TMEM245: variants seen among roughly 807,000 people sequenced by gnomAD.
The protein encoded by TMEM245 is transmembrane protein 245, also known as protein CG-2.
Under a neutral mutation model 101.2 loss-of-function variants are expected in TMEM245, and 69 were observed. The ratio of observed to expected loss-of-function variants is 0.68; its 90% CI spans 0.56 to 0.83. TMEM245 has a LOEUF of 0.83. Among genes scored for constraint, TMEM245 ranks in the 40% least tolerant of loss-of-function variants. TMEM245 has a pLI of 0.00. For missense variants in TMEM245, 1,075 were observed against 1,092.8 expected (o/e 0.98, Z 0.23); for synonymous variants, 537 against 449.8 (o/e 1.19, Z -2.45).
intron 9 of TMEM245, among the ~76,000 whole-genome samples, chr9:109,067,941 C>T (rs1438599995): frequency 6.6e-6 from 1 of 152,194 alleles, no homozygotes; most frequent in African/African-American, 2.4e-5. Flanking sequence ...ACAGAATCCA[C>T]TGAGTACTGA....
intron 12 of TMEM245, among the ~76,000 whole-genome samples, chr9:109,052,790 T>C (rs1192587592): frequency 1.3e-5 from 2 of 152,180 alleles, no homozygotes; most frequent in Non-Finnish European, 2.9e-5. Context: ...GCAGCTTCAG[T>C]CATTTTGGAA....
intron 9 of TMEM245, among the ~76,000 whole-genome samples, chr9:109,065,687 T>C (rs761624050): frequency 1.4e-4 from 21 of 152,282 alleles, no homozygotes; most frequent in Non-Finnish European, 2.5e-4. Flanking sequence ...AGAGAAAATA[T>C]GTTCACGTAT....
intron 15 of TMEM245, among the ~76,000 whole-genome samples, chr9:109,037,808 T>C (rs866725174): frequency 6.6e-6 from 1 of 152,190 alleles, no homozygotes; most frequent in African/African-American, 2.4e-5. Flanking sequence ...ATTTTTTCTA[T>C]GTGCTGGGTA....
At chr9:109,077,227 T>G (rs1016238366) in intron 8 of TMEM245, among the ~76,000 whole-genome samples, 8 of 152,040 alleles carry the variant, frequency 5.3e-5, no homozygotes, top group African/African-American at 1.9e-4. Flanking sequence ...CACAGCTCAC[T>G]GCAGCCTCAA....
At chr9:109,112,701 A>C (rs1830598709) in intron 1 of TMEM245, among the ~76,000 whole-genome samples, 1 of 152,242 alleles carries the variant, frequency 6.6e-6, no homozygotes. Context: ...TTATATGTTC[A>C]CATGGACAAA....
intron 3 of TMEM245, among the ~76,000 whole-genome samples, chr9:109,097,948 T>C (rs1278039242): frequency 6.6e-6 from 1 of 152,118 alleles, no homozygotes; most frequent in East Asian, 1.9e-4. Context: ...TTTAGAACAA[T>C]GCTGGGTATG....
chr9:109,094,084 C>T (rs1314423479), intron 3 of TMEM245, among the ~76,000 whole-genome samples: 1 of 152,122 alleles, frequency 6.6e-6, no homozygotes, highest in Non-Finnish European at 1.5e-5. Context: ...TTATAAATTA[C>T]ATAACTCAGT....
chr9:109,097,091 G>A (rs1358856745), intron 3 of TMEM245, among the ~76,000 whole-genome samples: 1 of 152,178 alleles, frequency 6.6e-6, no homozygotes, highest in East Asian at 1.9e-4. Flanking sequence ...GGTCTGGGAA[G>A]GGTTTCCAAA....
intron 4 of TMEM245, 58 bp downstream of exon 4, chr9:109,093,417 T>G: frequency 1.4e-6 from 2 of 1,435,932 alleles, no homozygotes; most frequent in Non-Finnish European, 1.9e-6. Flanking sequence ...TGAATTTTAC[T>G]TTCTATGTAC....
Position 109,080,887 on chromosome 9 carries a change from A to G in TMEM245, c.1401T>C (p.Phe467=), listed in dbSNP as rs1209592031. 11 of 1,611,102 alleles carry G rather than the reference A, an allele frequency of 6.8e-6. No individual in the cohort carries two copies. Among genetic ancestry groups the G allele is most frequent in the Non-Finnish European group, 9.3e-6 (11 of 1,177,816 alleles). The stretch of plus-strand genomic sequence containing the variant: ...AAAGAAGAGTTCCTATCACTAACAA[A>G]AATATGATGAAAATGCTAATTATTT... ...LDKIISIFII[F]LLVIGTLLLA... The change falls in exon 8 of 18, where the codon TTT becomes TTC. Residue 467 remains phenylalanine, a synonymous_variant. Transcript: ENST00000374586.
At chr9:109,064,445 G>A (rs1227394400) in intron 10 of TMEM245, 32 bp downstream of exon 10, 5 of 1,591,222 alleles carry the variant, frequency 3.1e-6, no homozygotes, top group Middle Eastern at 1.7e-4. Flanking sequence ...ACCCTGAAAA[G>A]AGAAAGCCAC....
In TMEM245 at chr9:109,107,470, C is replaced by T. The variant is rs117103031; in HGVS notation, c.698-861G>A. ...CTACCCATAACCATTTCCCTGAGTCCACCTAGAACCTCATAAAACATCCCT... is the reference window on the plus strand; with the variant it reads ...CTACCCATAACCATTTCCCTGAGTCTACCTAGAACCTCATAAAACATCCCT... On this transcript the variant is annotated intron_variant, in intron 2 of 17. Transcript: ENST00000374586. Among the ~76,000 whole-genome samples the T allele has an allele frequency of 1.1e-3, 169 of 151,774 alleles. 2 individuals carry two copies. The East Asian group carries it at 0.031, about 28-fold the overall frequency.
chr9:109,072,175 G>A (rs1051911166), intron 9 of TMEM245, among the ~76,000 whole-genome samples: 8 of 149,956 alleles, frequency 5.3e-5, no homozygotes, highest in Non-Finnish European at 1.2e-4. Context: ...AAAAGTCTCC[G>A]AATTGCCATC....
intron 14 of TMEM245, among the ~76,000 whole-genome samples, chr9:109,046,074 T>C (rs1367944099): frequency 2.0e-5 from 3 of 152,052 alleles, no homozygotes; most frequent in African/African-American, 2.4e-5. Flanking sequence ...TTCTCCAAAA[T>C]TGGAAGGTAC....
At chr9:109,046,218 T>C (rs944977494) in intron 14 of TMEM245, 4 of 534,404 alleles carry the variant, frequency 7.5e-6, no homozygotes, top group Non-Finnish European at 1.5e-5. Context: ...CCCGTGTGCA[T>C]GCACTCATGT....
In TMEM245 at chr9:109,019,892, G is replaced by C. The variant is rs1278956142; in HGVS notation, c.*568C>G. The C allele has an allele frequency of 6.6e-6, 1 of 152,164 alleles. No individual in the cohort carries two copies. The highest frequency in any genetic ancestry group is 2.4e-5 in the African/African-American group (1 of 41,408). 9.4% of individuals were successfully genotyped at this position (152,164 alleles called of 1,614,324 possible). On this transcript the variant is annotated 3_prime_UTR_variant, in exon 18 of 18. Coordinates refer to ENST00000374586, the MANE Select transcript of TMEM245 (RefSeq NM_032012.4). ...TAATATAAAACTGAACATCAAATAA[G>C]CCACCCCACCCTTATACTTATGATT... is the stretch of plus-strand genomic sequence containing the variant.
At chr9:109,047,920 A>G (rs1330945529) in intron 14 of TMEM245, among the ~76,000 whole-genome samples, 1 of 152,210 alleles carries the variant, frequency 6.6e-6, no homozygotes, top group East Asian at 1.9e-4. Context: ...TTTTTGGTAG[A>G]GCATTTGCAA....
At chr9:109,065,602 T>A (rs1441665957) in intron 9 of TMEM245, among the ~76,000 whole-genome samples, 1 of 152,182 alleles carries the variant, frequency 6.6e-6, no homozygotes, top group Admixed American at 6.5e-5. Context: ...GGCCTCCTCA[T>A]TCTTCTGTTG....
At chr9:109,040,794 AG>A (rs1828278017) in intron 14 of TMEM245, among the ~76,000 whole-genome samples, 1 of 152,192 alleles carries the variant, frequency 6.6e-6, no homozygotes, top group South Asian at 2.1e-4. Flanking sequence ...ACTACTGAGT[AG>A]TATTCCATTA....
Sources: gnomAD v4.1 joint callset for allele counts (sites outside exome capture counted in the v4.1 genomes callset) on GRCh38, gnomAD v4.1.1 for gene constraint, MANE v1.5 for transcripts, NCBI Gene and HGNC (gene_info 2026-07-23, HGNC 2026-07-21) for gene names.